Variants in OSBPL10 observed in about 807,000 individuals in gnomAD.
OSBPL10 encodes oxysterol-binding protein-related protein 10.
A neutral mutation model predicts 81.7 loss-of-function variants in OSBPL10; 49 were observed. The observed-to-expected ratio is 0.60, with a 90% CI of 0.48 to 0.76. OSBPL10 has a LOEUF of 0.76. Ranked by LOEUF, OSBPL10 falls within the 30% of genes least tolerant of loss-of-function variation. The pLI, the probability that OSBPL10 is intolerant of heterozygous loss-of-function variation, is 0.00. For synonymous variants in OSBPL10, 419 were observed against 383.6 expected (o/e 1.09, Z -1.08); for missense variants, 923 against 987.8 (o/e 0.93, Z 0.88).
At position 31,736,157 on chromosome 3, in the gene OSBPL10, G is replaced by C. The variant is rs534237594; in HGVS notation, c.941-2746C>G. Among the ~76,000 whole-genome samples the C allele has an allele frequency of 2.0e-5, 3 of 152,252 alleles. No homozygotes were observed. The East Asian group carries it at 5.8e-4, about 29-fold the overall frequency. On this transcript the variant is annotated intron_variant, in intron 5 of 11. Transcript: ENST00000396556. ...GGAGTTAACGTTTAAAAGGTAAAGA[G>C]CTCCAGTTTTGCAAGATGGAAAGAG...
intron 2 of OSBPL10, among the ~76,000 whole-genome samples, chr3:32,038,455 G>A (rs981097122): frequency 6.6e-6 from 1 of 152,114 alleles, no homozygotes; most frequent in Non-Finnish European, 1.5e-5. Flanking sequence ...CGGAGTAGCT[G>A]GGATTACAGG....
chr3:31,742,247 A>G (rs1697374408), intron 5 of OSBPL10, among the ~76,000 whole-genome samples: 1 of 152,220 alleles, frequency 6.6e-6, no homozygotes, highest in East Asian at 1.9e-4. Flanking sequence ...GGAAAAACGT[A>G]AAGTACCGCA....
At chr3:31,881,280 C>T (rs1270700602) in intron 1 of OSBPL10, among the ~76,000 whole-genome samples, 2 of 152,116 alleles carry the variant, frequency 1.3e-5, no homozygotes. Flanking sequence ...AGCACTTGTG[C>T]AAGGAATGAA....
intron 6 of OSBPL10, chr3:31,719,007 G>A (rs1696548558): frequency 6.6e-6 from 1 of 152,144 alleles, no homozygotes; most frequent in Non-Finnish European, 1.5e-5. Flanking sequence ...TTCCAGGAAG[G>A]ATAAATGTAT....
chr3:32,076,431 C>T (rs1699877199), intron 1 of OSBPL10, among the ~76,000 whole-genome samples: 1 of 151,988 alleles, frequency 6.6e-6, no homozygotes, highest in African/African-American at 2.4e-5. Flanking sequence ...CCTGCCTGCA[C>T]CCAGGTGAAA....
intron 3 of OSBPL10, among the ~76,000 whole-genome samples, chr3:31,856,255 A>T (rs117533124): frequency 1.3e-5 from 2 of 152,114 alleles, no homozygotes; most frequent in African/African-American, 2.4e-5. Flanking sequence ...TTATTAAGAC[A>T]ATTAAAAAAA....
At chr3:31,971,548 C>T in intron 1 of OSBPL10, among the ~76,000 whole-genome samples, 1 of 152,168 alleles carries the variant, frequency 6.6e-6, no homozygotes, top group East Asian at 1.9e-4. Flanking sequence ...CCCCATTTTA[C>T]AGATAAAGAA....
rs1171366205 is a variant in OSBPL10, at chr3:31,686,300, A to C, written c.1246-2186T>G. Among the ~76,000 whole-genome samples the C allele has an allele frequency of 1.3e-4, 20 of 152,378 alleles. No individual in the cohort carries two copies. In the East Asian group the frequency reaches 3.9e-3, roughly 29 times the overall value. On this transcript the variant is annotated intron_variant, in intron 7 of 11. Coordinates refer to ENST00000396556, the MANE Select transcript of OSBPL10 (RefSeq NM_017784.5). ...GACTAATACAGATGTCCAGAGAGAG[A>C]TAGGCAGACATGAGAACAGCAAAGT...
At chr3:31,697,398 G>T (rs12495254) in intron 7 of OSBPL10, among the ~76,000 whole-genome samples, 34,951 of 151,888 alleles carry the variant, frequency 0.23, 4,882 homozygotes, top group East Asian at 0.57. Context: ...AATTGGGGGG[G>T]GGTTAGTTAC....
intron 4 of OSBPL10, among the ~76,000 whole-genome samples, chr3:31,768,309 A>G (rs1254672274): frequency 6.6e-6 from 1 of 152,154 alleles, no homozygotes; most frequent in Admixed American, 6.5e-5. Context: ...TTTGCGACCC[A>G]TACCTTGCAA....
chr3:31,737,685 C>T (rs1231768386), intron 5 of OSBPL10, among the ~76,000 whole-genome samples: 2 of 152,104 alleles, frequency 1.3e-5, no homozygotes, highest in African/African-American at 2.4e-5. Context: ...AGATGACAAT[C>T]ATGAGGCAGA....
chr3:32,048,608 CT>C (rs1699644548), intron 1 of OSBPL10, among the ~76,000 whole-genome samples: 2 of 152,162 alleles, frequency 1.3e-5, no homozygotes, highest in African/African-American at 4.8e-5. Flanking sequence ...TGCCCAGCCT[CT>C]CTTAGACACT....
At chr3:31,959,069 G>A (rs1212439827) in intron 1 of OSBPL10, among the ~76,000 whole-genome samples, 1 of 152,152 alleles carries the variant, frequency 6.6e-6, no homozygotes. Flanking sequence ...CAGTTCAAGA[G>A]TGGAGACGCA....
chr3:31,953,783 A>T (rs2125449590), intron 1 of OSBPL10, among the ~76,000 whole-genome samples: 1 of 152,314 alleles, frequency 6.6e-6, no homozygotes, highest in East Asian at 1.9e-4. Context: ...AGACAGCTAA[A>T]CTTTCAGACA....
At chr3:31,970,955 G>A (rs1698544573) in intron 1 of OSBPL10, among the ~76,000 whole-genome samples, 1 of 152,088 alleles carries the variant, frequency 6.6e-6, no homozygotes, top group South Asian at 2.1e-4. Context: ...TGAAGCCTTT[G>A]TCTGCATGAT....
At chr3:31,859,327 C>T (rs1423487561) in intron 3 of OSBPL10, among the ~76,000 whole-genome samples, 1 of 152,208 alleles carries the variant, frequency 6.6e-6, no homozygotes, top group Non-Finnish European at 1.5e-5. Context: ...ATACAGGAGG[C>T]TCTAGGAGGG....
At chr3:31,873,608 G>A (rs189430427) in intron 3 of OSBPL10, among the ~76,000 whole-genome samples, 40 of 152,172 alleles carry the variant, frequency 2.6e-4, no homozygotes, top group African/African-American at 8.4e-4. Flanking sequence ...ACGATTTTAC[G>A]TAAGAGTTTT....
At chr3:31,832,122 T>C (rs1700258566) in intron 3 of OSBPL10, among the ~76,000 whole-genome samples, 1 of 152,216 alleles carries the variant, frequency 6.6e-6, no homozygotes, top group African/African-American at 2.4e-5. Context: ...GGAAGGCACA[T>C]AATTGATCTA....
At chr3:32,040,413 T>A (rs926272033) in intron 2 of OSBPL10, among the ~76,000 whole-genome samples, 9 of 150,624 alleles carry the variant, frequency 6.0e-5, no homozygotes, top group Non-Finnish European at 3.0e-5. Context: ...TCTCAAAAAA[T>A]ATATATATAG....
Sources: gnomAD v4.1 joint callset for allele counts (sites outside exome capture counted in the v4.1 genomes callset) on GRCh38, gnomAD v4.1.1 for gene constraint, MANE v1.5 for transcripts, NCBI Gene and HGNC (gene_info 2026-07-23, HGNC 2026-07-21) for gene names.